NRXN3: variants seen among roughly 807,000 people sequenced by gnomAD.
NRXN3 encodes the protein neurexin 3, also known as neurexin III.
A neutral mutation model predicts 137.6 loss-of-function variants in NRXN3; 32 were observed. The ratio of observed to expected loss-of-function variants is 0.23; its 90% CI spans 0.18 to 0.31. The LOEUF (loss-of-function observed/expected upper bound fraction) is 0.31. Among genes scored for constraint, NRXN3 ranks in the 10% least tolerant of loss-of-function variants. NRXN3 has a pLI of 1.00. For missense variants in NRXN3, 1,574 were observed against 2,062.5 expected (o/e 0.76, Z 4.59); for synonymous variants, 798 against 784.5 (o/e 1.02, Z -0.29).
At chr14:79,796,834 A>T (rs2099162397) in intron 19 of NRXN3, among the ~76,000 whole-genome samples, 1 of 152,178 alleles carries the variant, frequency 6.6e-6, no homozygotes, top group Non-Finnish European at 1.5e-5. Context: ...GATTTGCTTG[A>T]ATTCCTATGT....
intron 15 of NRXN3, among the ~76,000 whole-genome samples, chr14:79,160,845 A>C (rs142591432): frequency 6.6e-6 from 1 of 152,050 alleles, no homozygotes; most frequent in Non-Finnish European, 1.5e-5. Context: ...AGACAGTGGT[A>C]TGGAAAGCTT....
chr14:78,375,492 AG>A (rs1181617881), intron 4 of NRXN3, among the ~76,000 whole-genome samples: 13 of 152,196 alleles, frequency 8.5e-5, no homozygotes, highest in African/African-American at 3.1e-4. Flanking sequence ...AAGACATTTC[AG>A]GACATGATTC....
At chr14:79,735,486 A>C (rs377209970) in intron 19 of NRXN3, among the ~76,000 whole-genome samples, 1 of 152,180 alleles carries the variant, frequency 6.6e-6, no homozygotes, top group African/African-American at 2.4e-5. Flanking sequence ...TGAAAAAGGA[A>C]AAATTTTAGG....
intron 10 of NRXN3, among the ~76,000 whole-genome samples, chr14:78,858,042 G>A (rs111506127): frequency 0.029 from 4,391 of 152,294 alleles, 85 homozygotes; most frequent in Non-Finnish European, 0.045. Flanking sequence ...GTACACTTAC[G>A]AAGGAAAGTT....
At chr14:79,556,418 T>C (rs933938616) in intron 16 of NRXN3, among the ~76,000 whole-genome samples, 2 of 152,166 alleles carry the variant, frequency 1.3e-5, no homozygotes, top group Non-Finnish European at 2.9e-5. Flanking sequence ...GTCATTATGG[T>C]AGAAACATGG....
chr14:79,784,613 GCTTT>G (rs79285500), intron 19 of NRXN3, among the ~76,000 whole-genome samples: 2 of 70,492 alleles, frequency 2.8e-5, no homozygotes, highest in African/African-American at 5.2e-5. Context: ...TTGTTGTGTT[GCTTT>G]TTTTTTTTTT....
intron 15 of NRXN3, among the ~76,000 whole-genome samples, chr14:79,108,164 A>G (rs1156277620): frequency 1.3e-5 from 2 of 152,148 alleles, no homozygotes; most frequent in African/African-American, 4.8e-5. Context: ...AACTTAGGAA[A>G]GTGAATTCCC....
intron 8 of NRXN3, among the ~76,000 whole-genome samples, chr14:78,761,257 A>T (rs922912326): frequency 2.0e-5 from 3 of 152,154 alleles, no homozygotes; most frequent in African/African-American, 7.2e-5. Flanking sequence ...TGTCTCAGAA[A>T]GTGGAATTAA....
intron 1 of NRXN3, among the ~76,000 whole-genome samples, chr14:78,205,643 T>G (rs2062115448): frequency 6.6e-6 from 1 of 151,894 alleles, no homozygotes; most frequent in African/African-American, 2.4e-5. Context: ...GCAGGGTGCA[T>G]TAGAGACAAA....
At chr14:79,140,942 C>A (rs931922841) in intron 15 of NRXN3, among the ~76,000 whole-genome samples, 24 of 152,070 alleles carry the variant, frequency 1.6e-4, no homozygotes, top group Non-Finnish European at 2.9e-4. Context: ...ATACACAATA[C>A]AAATGTATAT....
chr14:79,611,630 A>G (rs2098104080), intron 16 of NRXN3: 1 of 152,248 alleles, frequency 6.6e-6, no homozygotes, highest in Non-Finnish European at 1.5e-5. Context: ...TGGTCAAATT[A>G]TACACAACGA....
At chr14:78,335,725 G>T (rs2081383678) in intron 4 of NRXN3, among the ~76,000 whole-genome samples, 1 of 152,076 alleles carries the variant, frequency 6.6e-6, no homozygotes, top group African/African-American at 2.4e-5. Flanking sequence ...GCTCTTGGAG[G>T]TCTACTGAGG....
At chr14:79,691,302 A>G (rs1421568145) in intron 17 of NRXN3, among the ~76,000 whole-genome samples, 1 of 152,012 alleles carries the variant, frequency 6.6e-6, no homozygotes, top group Non-Finnish European at 1.5e-5. Context: ...AGGCTTTATG[A>G]ATGGATGCTT....
At chr14:78,545,429 T>C (rs2096628598) in intron 4 of NRXN3, among the ~76,000 whole-genome samples, 2 of 152,218 alleles carry the variant, frequency 1.3e-5, no homozygotes, top group Non-Finnish European at 2.9e-5. Flanking sequence ...CTTCTCCTTT[T>C]TGTCCATGTT....
chr14:78,728,255 C>T (rs978306781), intron 8 of NRXN3, among the ~76,000 whole-genome samples: 2 of 152,122 alleles, frequency 1.3e-5, no homozygotes, highest in African/African-American at 2.4e-5. Flanking sequence ...AACATGTAAT[C>T]GTCCCTTTAT....
At chr14:79,176,307 G>C (rs2062337832) in intron 15 of NRXN3, among the ~76,000 whole-genome samples, 1 of 152,172 alleles carries the variant, frequency 6.6e-6, no homozygotes, top group Non-Finnish European at 1.5e-5. Flanking sequence ...AAGAGGCACT[G>C]ATTGTAAACC....
At chr14:78,388,389 A>G (rs1272692609) in intron 4 of NRXN3, among the ~76,000 whole-genome samples, 1 of 152,198 alleles carries the variant, frequency 6.6e-6, no homozygotes. Flanking sequence ...TGAACTACTG[A>G]TAAGGAAATT....
intron 16 of NRXN3, among the ~76,000 whole-genome samples, chr14:79,545,676 T>G (rs72690783): frequency 0.086 from 13,099 of 151,940 alleles, 654 homozygotes; most frequent in Middle Eastern, 0.14. Context: ...TGTTTTTTTT[T>G]TTGTTGTTGT....
At chr14:79,590,573 A>G (rs934703795) in intron 16 of NRXN3, among the ~76,000 whole-genome samples, 3 of 152,174 alleles carry the variant, frequency 2.0e-5, no homozygotes, top group African/African-American at 7.2e-5. Flanking sequence ...TTTAGGCATC[A>G]CATGATATCT....
Sources: gnomAD v4.1 joint callset for allele counts (sites outside exome capture counted in the v4.1 genomes callset) on GRCh38, gnomAD v4.1.1 for gene constraint, MANE v1.5 for transcripts, NCBI Gene and HGNC (gene_info 2026-07-23, HGNC 2026-07-21) for gene names.